FOXP1: variants seen among roughly 807,000 people sequenced by gnomAD.
FOXP1 encodes the protein forkhead box protein P1.
FOXP1 carries 15 observed loss-of-function variants against 98.2 expected under a neutral mutation model. That is an observed-to-expected ratio of 0.15 (90% CI 0.10 to 0.24). The LOEUF (loss-of-function observed/expected upper bound fraction) is 0.24, where lower values mean the gene tolerates loss of function less well. Ranked by LOEUF, FOXP1 falls within the 10% of genes least tolerant of loss-of-function variation. The pLI, the probability that FOXP1 is intolerant of heterozygous loss-of-function variation, is 1.00. For missense variants in FOXP1, 633 were observed against 848.5 expected (o/e 0.75, Z 3.15); for synonymous variants, 371 against 314.5 (o/e 1.18, Z -1.90).
chr3:71,359,014 T>G (rs1050381452), intron 4 of FOXP1, 136 bp downstream of exon 4: 1 of 152,216 alleles, frequency 6.6e-6, no homozygotes, highest in African/African-American at 2.4e-5. Context: ...AAATGCCTGC[T>G]AGCTTCAGAA....
At chr3:71,191,488 A>G (rs1202955783) in intron 6 of FOXP1, among the ~76,000 whole-genome samples, 1 of 152,168 alleles carries the variant, frequency 6.6e-6, no homozygotes, top group Non-Finnish European at 1.5e-5. Context: ...TTCTATTACC[A>G]CATTCTCCTC....
intron 6 of FOXP1, among the ~76,000 whole-genome samples, chr3:71,168,445 C>T (rs988803493): frequency 6.6e-6 from 1 of 152,178 alleles, no homozygotes; most frequent in African/African-American, 2.4e-5. Flanking sequence ...GTTCCCTTGT[C>T]ATCATGTAAT....
chr3:71,334,675 G>C (rs1042794411), intron 4 of FOXP1: 1 of 152,004 alleles, frequency 6.6e-6, no homozygotes, highest in Non-Finnish European at 1.5e-5. Context: ...AAAAATGTGA[G>C]GCAACATTTT....
chr3:71,247,429 C>CA (rs2067838048), intron 5 of FOXP1, among the ~76,000 whole-genome samples: 1 of 152,142 alleles, frequency 6.6e-6, no homozygotes, highest in East Asian at 1.9e-4. Context: ...TACGGAATGC[C>CA]ATTGATTGTG....
At chr3:71,134,402 T>C (rs1449043097) in intron 6 of FOXP1, among the ~76,000 whole-genome samples, 1 of 152,112 alleles carries the variant, frequency 6.6e-6, no homozygotes, top group Non-Finnish European at 1.5e-5. Context: ...CTCCAAGGTA[T>C]CATTAACAAA....
At chr3:71,248,656 G>T (rs914880885) in intron 5 of FOXP1, among the ~76,000 whole-genome samples, 1 of 151,498 alleles carries the variant, frequency 6.6e-6, no homozygotes, top group Non-Finnish European at 1.5e-5. Context: ...CAGGAGAATC[G>T]CTTGAACCTG....
intron 4 of FOXP1, chr3:71,304,642 T>G (rs1273343277): frequency 6.6e-6 from 1 of 152,148 alleles, no homozygotes; most frequent in African/African-American, 2.4e-5. Flanking sequence ...AAAGTATTTT[T>G]CCCCTTAAAA....
At chr3:71,302,889 C>A (rs1302341537) in intron 4 of FOXP1, 1 of 152,196 alleles carries the variant, frequency 6.6e-6, no homozygotes, top group African/African-American at 2.4e-5. Flanking sequence ...ATTCCTCTTT[C>A]TCTACCTCCC....
chr3:71,372,163 C>T (rs13314303), intron 3 of FOXP1, among the ~76,000 whole-genome samples: 28,633 of 150,046 alleles, frequency 0.19, 3,307 homozygotes, highest in African/African-American at 0.33. Context: ...CAAGCATGCA[C>T]CACCATTCCT....
intron 4 of FOXP1, among the ~76,000 whole-genome samples, chr3:71,320,356 G>A (rs150108709): frequency 1.6e-3 from 244 of 151,572 alleles, no homozygotes; most frequent in African/African-American, 5.6e-3. Context: ...CTTTTTTTGC[G>A]GCTCTGGAAC....
In FOXP1 at chr3:71,185,673, C is replaced by T. The variant is rs559978883; in HGVS notation, c.180+12529G>A. On this transcript the variant is annotated intron_variant, in intron 6 of 20. Transcript: ENST00000649528. ...TAAGAAGACCTCTCCTCACCATGTG[C>T]CTCTAGTCTTTCCAAGTGCAAATCC... Among the ~76,000 whole-genome samples, 3 of 152,258 alleles carry T rather than the reference C, an allele frequency of 2.0e-5. No individual in the cohort carries two copies. In the South Asian group the frequency reaches 6.2e-4, roughly 32 times the overall value.
chr3:71,393,039 G>A (rs768254491), intron 3 of FOXP1, among the ~76,000 whole-genome samples: 20 of 152,026 alleles, frequency 1.3e-4, no homozygotes, highest in Non-Finnish European at 2.2e-4. Flanking sequence ...TATTTTATTG[G>A]TGAAATTAAA....
At chr3:71,362,709 A>G (rs967931913) in intron 3 of FOXP1, among the ~76,000 whole-genome samples, 3 of 152,202 alleles carry the variant, frequency 2.0e-5, no homozygotes, top group African/African-American at 4.8e-5. Flanking sequence ...GCCTCAAGCA[A>G]TCTGCCTGCC....
chr3:71,148,094 C>T (rs113021464), intron 6 of FOXP1, among the ~76,000 whole-genome samples: 190 of 152,230 alleles, frequency 1.2e-3, no homozygotes, highest in African/African-American at 3.7e-3. Context: ...ATACAAATGT[C>T]GGCCAGGCAC....
intron 2 of FOXP1, among the ~76,000 whole-genome samples, chr3:71,501,021 G>A (rs1432830585): frequency 1.3e-5 from 2 of 152,012 alleles, no homozygotes; most frequent in Non-Finnish European, 2.9e-5. Context: ...GTGAAACCCT[G>A]TCTCTACCAA....
chr3:71,158,641 A>G (rs1369783502), intron 6 of FOXP1, among the ~76,000 whole-genome samples: 2 of 152,020 alleles, frequency 1.3e-5, no homozygotes, highest in African/African-American at 4.8e-5. Flanking sequence ...GAAGTAAACT[A>G]AAAGGACTCC....
chr3:71,256,677 C>T (rs1313754516), intron 5 of FOXP1, among the ~76,000 whole-genome samples: 5 of 152,072 alleles, frequency 3.3e-5, no homozygotes, highest in South Asian at 2.1e-4. Flanking sequence ...CCACCGCGCC[C>T]GGCCTCTCAC....
chr3:71,497,203 C>T (rs1283474192), intron 2 of FOXP1, among the ~76,000 whole-genome samples: 2 of 152,012 alleles, frequency 1.3e-5, no homozygotes, highest in Non-Finnish European at 2.9e-5. Flanking sequence ...CCCCACCCGC[C>T]TACGTAGAAT....
chr3:71,420,848 A>G (rs1218382792), intron 3 of FOXP1, among the ~76,000 whole-genome samples: 1 of 152,010 alleles, frequency 6.6e-6, no homozygotes, highest in African/African-American at 2.4e-5. Flanking sequence ...CTAGGACTAC[A>G]TGTACCTGCC....
Sources: allele counts gnomAD v4.1 joint callset (sites outside exome capture counted in the v4.1 genomes callset), GRCh38; gene constraint gnomAD v4.1.1; transcripts MANE v1.5; gene names NCBI Gene and HGNC (gene_info 2026-07-23, HGNC 2026-07-21).